Variants in PRKCZ observed in about 807,000 individuals in gnomAD.
PRKCZ encodes the protein protein kinase C zeta.
A neutral mutation model predicts 79.5 loss-of-function variants in PRKCZ; 33 were observed. The ratio of observed to expected loss-of-function variants is 0.41; its 90% CI spans 0.31 to 0.55. The LOEUF is 0.55. Among genes scored for constraint, PRKCZ ranks in the 20% least tolerant of loss-of-function variants. PRKCZ has a pLI of 0.19. For synonymous variants in PRKCZ, 342 were observed against 320.9 expected (o/e 1.07, Z -0.70); for missense variants, 578 against 813.5 (o/e 0.71, Z 3.52).
At chr1:2,184,519 A>G in intron 16 of PRKCZ, 64 bp from the exon 17 acceptor site, 1 of 1,252,764 alleles carries the variant, frequency 8.0e-7, no homozygotes, top group Non-Finnish European at 1.1e-6. Context: ...GTGCGTGCAA[A>G]ACACTCAATC....
In PRKCZ at chr1:2,174,183, G is replaced by C. The variant is rs1010045143; in HGVS notation, c.1405+167G>C. On this transcript the variant is annotated intron_variant, in intron 14 of 17. Transcript: ENST00000378567. This position sits in a 1 kb window ranked among gnomAD's most constrained non-coding sequence, Gnocchi z 6.2. Reference sequence around the variant, plus strand: ...GACCCTGTGTCACATGCCACTCCCCGGGCCGTGGGGTGGGGTTACCACACC... The same window carrying C: ...GACCCTGTGTCACATGCCACTCCCCCGGCCGTGGGGTGGGGTTACCACACC... Among the ~76,000 whole-genome samples the C allele has an allele frequency of 6.6e-6, 1 of 152,126 alleles. No homozygotes were observed. Among genetic ancestry groups the C allele is most frequent in the African/African-American group, 2.4e-5 (1 of 41,436 alleles).
At chr1:2,146,847 A>T (rs1571809869) in intron 7 of PRKCZ, among the ~76,000 whole-genome samples, 2 of 152,004 alleles carry the variant, frequency 1.3e-5, no homozygotes, top group Admixed American at 6.6e-5. Context: ...CTGCTCCTCC[A>T]CCCACCTATC....
At chr1:2,086,038 C>A (rs1223581965) in intron 4 of PRKCZ, among the ~76,000 whole-genome samples, 1 of 150,360 alleles carries the variant, frequency 6.7e-6, no homozygotes, top group Non-Finnish European at 1.5e-5. Flanking sequence ...TTTCTAAAAA[C>A]TGGGTTTATT....
In PRKCZ at chr1:2,094,755, G is replaced by A. The variant is rs1008251835; in HGVS notation, c.334+35164G>A. ...CTGAGGCGCCCGCTGTGCCCGGCTC[G>A]TTGAACCTTGGGCGCTGCCCGTTCT... On this transcript the variant is annotated intron_variant, in intron 4 of 17. Transcript: ENST00000378567. This position sits in a 1 kb window ranked among gnomAD's most constrained non-coding sequence, Gnocchi z 7.3. Among the ~76,000 whole-genome samples, 1 of 151,990 alleles carries A rather than the reference G, an allele frequency of 6.6e-6. No homozygotes were observed.
chr1:2,155,311 T>C (rs1031186549), intron 9 of PRKCZ, among the ~76,000 whole-genome samples: 62 of 151,720 alleles, frequency 4.1e-4, no homozygotes, highest in Admixed American at 8.5e-4. Flanking sequence ...ACAATGGTGG[T>C]GATGACAGTG....
intron 4 of PRKCZ, among the ~76,000 whole-genome samples, chr1:2,096,512 C>T (rs1164801878): frequency 1.3e-5 from 2 of 152,152 alleles, no homozygotes; most frequent in African/African-American, 4.8e-5. Flanking sequence ...GTAAAAACAG[C>T]GCCAAGCGTG....
intron 10 of PRKCZ, among the ~76,000 whole-genome samples, chr1:2,162,033 C>G (rs1571920595): frequency 6.6e-6 from 1 of 152,204 alleles, no homozygotes; most frequent in African/African-American, 2.4e-5. Context: ...GCGTCACCAT[C>G]CAGACAGTTT....
intron 4 of PRKCZ, among the ~76,000 whole-genome samples, chr1:2,097,114 G>A (rs1468180999): frequency 6.6e-6 from 1 of 152,234 alleles, no homozygotes; most frequent in Non-Finnish European, 1.5e-5. Context: ...GAGGCCTGGA[G>A]ATACCAGGTT....
chr1:2,103,649 G>A (rs977955237), intron 4 of PRKCZ, among the ~76,000 whole-genome samples: 4 of 152,212 alleles, frequency 2.6e-5, no homozygotes, highest in African/African-American at 7.2e-5. Context: ...AGGGAGGATC[G>A]CTTGAGCCCA....
At chr1:2,070,478 T>G (rs1461448338) in intron 4 of PRKCZ, among the ~76,000 whole-genome samples, 1 of 152,158 alleles carries the variant, frequency 6.6e-6, no homozygotes, top group Non-Finnish European at 1.5e-5. Flanking sequence ...GTATATTCCC[T>G]GCTCAGCCCC....
rs964082279 is a variant in PRKCZ, at chr1:2,176,494, C to T, written c.1575+1181C>T. Among the ~76,000 whole-genome samples, 26 of 152,138 alleles carry T rather than the reference C, an allele frequency of 1.7e-4. 1 individual carries two copies. The highest frequency in any genetic ancestry group is 2.6e-4 in the Admixed American group (4 of 15,282). On this transcript the variant is annotated intron_variant, in intron 16 of 17. Coordinates refer to ENST00000378567, the MANE Select transcript of PRKCZ (RefSeq NM_002744.6). Reference sequence around the variant, plus strand: ...GGTGACCTTGTCTGAAGCTGAGGAGCGTCTGTGGAATTTGTTTCCAGCTGT... The same window carrying T: ...GGTGACCTTGTCTGAAGCTGAGGAGTGTCTGTGGAATTTGTTTCCAGCTGT...
chr1:2,162,831 C>G (rs1243974764), intron 10 of PRKCZ, among the ~76,000 whole-genome samples: 1 of 152,236 alleles, frequency 6.6e-6, no homozygotes, highest in Admixed American at 6.5e-5. Flanking sequence ...GAGCATCCAG[C>G]AGCAGGCAGC....
chr1:2,169,410 A>G (rs1220818954), intron 10 of PRKCZ, 108 bp from the exon 11 acceptor site: 2 of 919,272 alleles, frequency 2.2e-6, no homozygotes, highest in Non-Finnish European at 3.5e-6. Context: ...GCAAGACTGA[A>G]CCTGCGGGAG....
intron 5 of PRKCZ, among the ~76,000 whole-genome samples, chr1:2,136,599 TA>T (rs1196039651): frequency 2.0e-5 from 3 of 152,110 alleles, no homozygotes; most frequent in African/African-American, 7.2e-5. Flanking sequence ...ATGGGGAGCC[TA>T]GGCGGCTGTG....
At chr1:2,112,430 A>G (rs544074499) in intron 4 of PRKCZ, among the ~76,000 whole-genome samples, 3 of 152,180 alleles carry the variant, frequency 2.0e-5, no homozygotes, top group East Asian at 3.9e-4. Context: ...GTCAGCCTGG[A>G]ACCCCTGCCC....
rs759168033 is a variant in PRKCZ at position 2,150,994 on chromosome 1, C to T, written c.876+16C>T. The T allele has an allele frequency of 1.2e-6, 2 of 1,612,150 alleles. No homozygotes were observed. The highest frequency in any genetic ancestry group is 2.2e-5 in the South Asian group (2 of 90,982). ...TGATGACGAGGTAGGTGCCGCTTCT[C>T]ATGGGGCCCGGGGGCCCGGGAACGC... On this transcript the variant is annotated intron_variant, in intron 9 of 17. Transcript: ENST00000378567.
At chr1:2,151,458 G>A (rs879693125) in intron 9 of PRKCZ, among the ~76,000 whole-genome samples, 3 of 152,256 alleles carry the variant, frequency 2.0e-5, no homozygotes, top group Admixed American at 2.0e-4. Context: ...CATCACCCTT[G>A]TTAGGAAATC....
At chr1:2,184,387 G>A (rs750643666) in intron 16 of PRKCZ, 196 bp from the exon 17 acceptor site, 5 of 543,834 alleles carry the variant, frequency 9.2e-6, no homozygotes, top group South Asian at 2.2e-5. Flanking sequence ...TTCTCAGCTC[G>A]ACAACAATTT....
chr1:2,141,137 T>A (rs1394283918), intron 5 of PRKCZ: 1 of 152,158 alleles, frequency 6.6e-6, no homozygotes, highest in South Asian at 2.1e-4. Flanking sequence ...TATTCAAATA[T>A]AGATTTGAAA....
Sources: gnomAD v4.1 joint callset for allele counts (sites outside exome capture counted in the v4.1 genomes callset) on GRCh38, gnomAD v4.1.1 for gene constraint, Gnocchi (gnomAD v3.1) non-coding constraint, MANE v1.5 for transcripts, NCBI Gene and HGNC (gene_info 2026-07-23, HGNC 2026-07-21) for gene names.